Variants in FOXA3 observed in about 807,000 individuals in gnomAD.
FOXA3 encodes the protein hepatocyte nuclear factor 3-gamma.
Under a neutral mutation model 16.9 loss-of-function variants are expected in FOXA3, and 11 were observed. That is an observed-to-expected ratio of 0.65 (90% confidence interval 0.41 to 1.08). The LOEUF is 1.08. Ranked by LOEUF, FOXA3 falls within the 50% of genes least tolerant of loss-of-function variation. The pLI is 0.00. For missense variants in FOXA3, 423 were observed against 470.1 expected, an observed-to-expected ratio of 0.90 and a Z score of 0.93; for synonymous variants, 217 against 203.3, an observed-to-expected ratio of 1.07 and a Z score of -0.57.
rs560496189 is a variant in FOXA3 at position 45,869,184 on chromosome 19, C to G, written c.70-2891C>G. ...TCAAGCGATCCGCACCCCCACCCCC[C>G]CCACCTCAGCCTCCCAAAGTGCTGG... On this transcript the variant is annotated intron_variant, in intron 1 of 1. Coordinates refer to ENST00000302177, the MANE Select transcript of FOXA3 (RefSeq NM_004497.3). Among the ~76,000 whole-genome samples, 42 of 152,276 alleles carry G rather than the reference C, an allele frequency of 2.8e-4. 1 individual carries two copies. Among genetic ancestry groups the G allele is most frequent in the Middle Eastern group, 3.4e-3 (1 of 294 alleles).
Position 45,873,284 on chromosome 19 carries a change from C to T in FOXA3, c.*226C>T. 1.6e-6 allele frequency: 1 copy of T among 631,914 alleles called. No individual in the cohort carries two copies. The highest frequency in any genetic ancestry group is 2.7e-6 in the Non-Finnish European group (1 of 370,902). The allele number at this position is 631,914 out of a possible 1,614,324, so 39.1% of individuals were successfully genotyped here. A position where few individuals can be genotyped will look rare whatever the true frequency, so the allele number is the denominator to read the frequency against. Reference sequence around the variant, plus strand: ...GGCCCACTGGGTACTGTGAGGACTGCTACATTGATGGATGTTATTGGCTAA... The same window carrying T: ...GGCCCACTGGGTACTGTGAGGACTGTTACATTGATGGATGTTATTGGCTAA... On this transcript the variant is annotated 3_prime_UTR_variant, in exon 2 of 2. Coordinates refer to ENST00000302177, the MANE Select transcript of FOXA3 (RefSeq NM_004497.3).
At chr19:45,864,552 G>T in intron 1 of FOXA3, 27 bp downstream of exon 1, 1 of 1,502,546 alleles carries the variant, frequency 6.7e-7, no homozygotes, top group Non-Finnish European at 8.9e-7. Context: ...GGCGGAGCGG[G>T]AAGTTGGGGG....
intron 1 of FOXA3, among the ~76,000 whole-genome samples, chr19:45,871,811 G>T (rs960582392): frequency 6.6e-6 from 1 of 152,180 alleles, no homozygotes. Context: ...ACTGCCCTGG[G>T]AGTCCCGAAC....
chr19:45,865,778 C>T (rs1444621490), intron 1 of FOXA3, among the ~76,000 whole-genome samples: 1 of 151,218 alleles, frequency 6.6e-6, no homozygotes, highest in Non-Finnish European at 1.5e-5. Flanking sequence ...GTGAGGTGCA[C>T]GTGGGGTGGG....
At chr19:45,868,883 G>A (rs147518075) in intron 1 of FOXA3, among the ~76,000 whole-genome samples, 2 of 152,242 alleles carry the variant, frequency 1.3e-5, no homozygotes, top group African/African-American at 4.8e-5. Flanking sequence ...TTGGCACCAC[G>A]AGGGCAGGCA....
In FOXA3 at chr19:45,872,610, A is replaced by G; in HGVS notation, c.605A>G (p.Glu202Gly). Residue 202 changes from glutamate to glycine, a missense_variant, in exon 2 of 2, where the codon GAG becomes GGG. Around this residue, in one of 3 missense-constraint regions of FOXA3, gnomAD observed 85 missense variants for 136.9 expected, o/e 0.62. Coordinates refer to ENST00000302177, the MANE Select transcript of FOXA3 (RefSeq NM_004497.3). This position sits in a 1 kb window ranked among gnomAD's most constrained non-coding sequence, Gnocchi z 4.5. ...ALHPSSGNMF[E>G]NGCYLRRQKR... is the part of the protein sequence containing the mutation. ...CACCCCAGCTCAGGGAACATGTTTGAGAATGGCTGCTACCTGCGCCGCCAG... is the reference window on the plus strand; with the variant it reads ...CACCCCAGCTCAGGGAACATGTTTGGGAATGGCTGCTACCTGCGCCGCCAG... 1 of 1,614,208 alleles carries G rather than the reference A, an allele frequency of 6.2e-7. No individual in the cohort carries two copies. Among genetic ancestry groups the G allele is most frequent in the Non-Finnish European group, 8.5e-7 (1 of 1,180,016 alleles).
intron 1 of FOXA3, among the ~76,000 whole-genome samples, chr19:45,868,714 G>A (rs1972108219): frequency 6.6e-6 from 1 of 152,116 alleles, no homozygotes; most frequent in African/African-American, 2.4e-5. Flanking sequence ...CCCAGGCCTC[G>A]GAGGAGGCAG....
intron 1 of FOXA3, among the ~76,000 whole-genome samples, chr19:45,866,364 C>G (rs907575941): frequency 1.3e-5 from 2 of 151,996 alleles, no homozygotes; most frequent in African/African-American, 4.8e-5. Flanking sequence ...GAGCTGTGAT[C>G]GTATCACGGC....
Position 45,873,339 on chromosome 19 carries a change from C to A in FOXA3, c.*281C>A, listed in dbSNP as rs555418964. On this transcript the variant is annotated 3_prime_UTR_variant, in exon 2 of 2. Transcript: ENST00000302177. The stretch of plus-strand genomic sequence containing the variant: ...CTGCATGGTTTGATGGCCACCATCT[C>A]GGTTGGCCCTTTGGGTGTGATGGTG... The A allele has an allele frequency of 2.0e-6, 1 of 496,768 alleles. No individual in the cohort carries two copies. Among genetic ancestry groups the A allele is most frequent in the South Asian group, 2.4e-5 (1 of 42,004 alleles). 30.8% of individuals were successfully genotyped at this position (496,768 alleles called of 1,614,324 possible).
In FOXA3 at chr19:45,872,401, G is replaced by A; in HGVS notation, c.396G>A (p.Gln132=). ...YISLITMAIQ[Q]APGKMLTLSE... ...CACTCATCACCATGGCCATCCAGCAGGCGCCGGGCAAGATGCTGACCTTGA... is the reference window on the plus strand; with the variant it reads ...CACTCATCACCATGGCCATCCAGCAAGCGCCGGGCAAGATGCTGACCTTGA... The change falls in exon 2 of 2, where the codon CAG becomes CAA. Residue 132 remains glutamine, a synonymous_variant. Coordinates refer to ENST00000302177, the MANE Select transcript of FOXA3 (RefSeq NM_004497.3). This position sits in a 1 kb window ranked among gnomAD's most constrained non-coding sequence, Gnocchi z 4.5. 1 of 1,614,230 alleles carries A rather than the reference G, an allele frequency of 6.2e-7. No homozygotes were observed. The highest frequency in any genetic ancestry group is 8.5e-7 in the Non-Finnish European group (1 of 1,180,038).
chr19:45,868,086 G>A (rs904092715), intron 1 of FOXA3, among the ~76,000 whole-genome samples: 9 of 151,886 alleles, frequency 5.9e-5, no homozygotes, highest in African/African-American at 1.9e-4. Context: ...TACTGAGACG[G>A]GTAACACAAC....
At position 45,872,282 on chromosome 19, in the gene FOXA3, G is replaced by C; in HGVS notation, c.277G>C (p.Gly93Arg). 3 of 1,612,836 alleles carry C rather than the reference G, an allele frequency of 1.9e-6. No individual in the cohort carries two copies. The highest frequency in any genetic ancestry group is 2.5e-6 in the Non-Finnish European group (3 of 1,179,042). ...CGGTGGCAGCAGCAGCTCCGGGTAC[G>C]GGGCCCCGGGTCCTGGGCTGGTGCA... ...VSGGSSSSGYGAPGPGLVHGK... is the reference protein window; with the variant it reads ...VSGGSSSSGYRAPGPGLVHGK... The change falls in exon 2 of 2, where the codon GGG becomes CGG. Residue 93 changes from glycine (G) to arginine (R), a missense_variant. Gly to Arg is a moderately radical substitution (Grantham distance 125). Transcript: ENST00000302177. The surrounding 1 kb of genome is among the most constrained non-coding windows in gnomAD (Gnocchi z 4.5).
intron 1 of FOXA3, among the ~76,000 whole-genome samples, chr19:45,868,622 G>A (rs1015799097): frequency 6.6e-5 from 10 of 151,084 alleles, no homozygotes; most frequent in African/African-American, 1.9e-4. Context: ...GAGACTAGGC[G>A]GTATCCAGTT....
In FOXA3 at chr19:45,864,436, G is replaced by A. The variant is rs1196780807; in HGVS notation, c.-21G>A. The A allele has an allele frequency of 1.4e-6, 2 of 1,422,060 alleles. No individual in the cohort carries two copies. The highest frequency in any genetic ancestry group is 1.9e-6 in the Non-Finnish European group (2 of 1,074,018). 88.1% of individuals were successfully genotyped at this position (1,422,060 alleles called of 1,614,324 possible). A position where few individuals can be genotyped will look rare whatever the true frequency, so the allele number is the denominator to read the frequency against. On this transcript the variant is annotated 5_prime_UTR_variant, in exon 1 of 2. The change creates a new upstream start codon in the 5' untranslated region. Coordinates refer to ENST00000302177, the MANE Select transcript of FOXA3 (RefSeq NM_004497.3). The stretch of plus-strand genomic sequence containing the variant: ...TCCCCCGGGGCCGGAGCGGGGGCGG[G>A]TGGGGGCGTAAGCCCGGGGGATGCT...
Position 45,864,471 on chromosome 19 carries a change from G to T in FOXA3, c.15G>T (p.Val5=). 1 of 1,524,316 alleles carries T rather than the reference G, an allele frequency of 6.6e-7. No individual in the cohort carries two copies. Among genetic ancestry groups the T allele is most frequent in the Non-Finnish European group, 8.8e-7 (1 of 1,131,206 alleles). The allele number at this position is 1,524,316 out of a possible 1,614,324, so 94.4% of individuals were successfully genotyped here. MLGS[V]KMEAHDLAEW... is the part of the protein sequence containing the mutation. ...AAGCCCGGGGGATGCTGGGCTCAGT[G>T]AAGATGGAGGCCCATGACCTGGCCG... Residue 5 remains valine, a synonymous_variant, in exon 1 of 2, where the codon GTG becomes GTT. Transcript: ENST00000302177.
intron 1 of FOXA3, among the ~76,000 whole-genome samples, chr19:45,867,330 G>A (rs1469799528): frequency 1.3e-5 from 2 of 152,042 alleles, no homozygotes; most frequent in Non-Finnish European, 2.9e-5. Flanking sequence ...CAGCGGGAGA[G>A]CCTGCATGGG....
In FOXA3 at chr19:45,872,762, C is replaced by A; in HGVS notation, c.757C>A (p.Pro253Thr). 1 of 1,608,472 alleles carries A rather than the reference C, an allele frequency of 6.2e-7. No homozygotes were observed. Among genetic ancestry groups the A allele is most frequent in the African/African-American group, 1.3e-5 (1 of 74,968 alleles). ...GGCCACAGTCACCTCCCCGCCCCAG[C>A]CCCCGCCTCCAGCCCCTGAGCCTGA... ...PAATVTSPPQ[P>T]PPPAPEPEAQ... Residue 253 changes from proline (P) to threonine (T), a missense_variant, in exon 2 of 2, where the codon CCC becomes ACC. Physicochemically the swap from Pro to Thr is conservative, Grantham distance 38. Around this residue, in one of 3 missense-constraint regions of FOXA3, gnomAD observed 168 missense variants for 179.3 expected, o/e 0.94. Coordinates refer to ENST00000302177, the MANE Select transcript of FOXA3 (RefSeq NM_004497.3). The surrounding 1 kb of genome is among the most constrained non-coding windows in gnomAD (Gnocchi z 4.5).
chr19:45,872,899 C>T lies in FOXA3; in HGVS notation c.894C>T (p.Tyr298=), dbSNP rs1391887059. 12 of 1,614,074 alleles carry T rather than the reference C, an allele frequency of 7.4e-6. No individual in the cohort carries two copies. Among genetic ancestry groups the T allele is most frequent in the Non-Finnish European group, 8.5e-6 (10 of 1,180,050 alleles). The change falls in exon 2 of 2, where the codon TAC becomes TAT. Residue 298 remains tyrosine, a synonymous_variant. Transcript: ENST00000302177. The surrounding 1 kb of genome is among the most constrained non-coding windows in gnomAD (Gnocchi z 4.5). ...LPGELKLDAP[Y]NFNHPFSINN... ...GGGAGCTGAAGCTGGACGCGCCCTA[C>T]AACTTCAACCACCCTTTCTCCATCA...
intron 1 of FOXA3, among the ~76,000 whole-genome samples, chr19:45,865,060 G>C (rs948747109): frequency 2.0e-5 from 3 of 152,080 alleles, no homozygotes; most frequent in African/African-American, 7.2e-5. Flanking sequence ...CAGACATAGG[G>C]ATTGGTGCTC....
Sources: gnomAD v4.1 joint callset for allele counts (sites outside exome capture counted in the v4.1 genomes callset) on GRCh38, gnomAD v4.1.1 for gene constraint, gnomAD v4.1.1 regional missense constraint, Gnocchi (gnomAD v3.1) non-coding constraint, MANE v1.5 for transcripts, NCBI Gene and HGNC (gene_info 2026-07-23, HGNC 2026-07-21) for gene names.